The following WDR83 variants were observed in gnomAD, a reference collection of about 807,000 sequenced individuals.
WDR83 encodes WD repeat domain-containing protein 83.
A neutral mutation model predicts 37.7 loss-of-function variants in WDR83; 37 were observed. The ratio of observed to expected loss-of-function variants is 0.98; its 90% CI spans 0.76 to 1.29. The LOEUF (loss-of-function observed/expected upper bound fraction) is 1.29, where lower values mean the gene tolerates loss of function less well. Ranked by LOEUF, WDR83 falls within the 50% of genes most tolerant of loss-of-function variation. The probability of loss-of-function intolerance (pLI) is 0.00; values close to 1 mark genes in which losing one functional copy is unlikely to be tolerated. For synonymous variants in WDR83, 174 were observed against 181.1 expected (o/e 0.96, Z 0.31); for missense variants, 445 against 414.4 (o/e 1.07, Z -0.64).
intron 7 of WDR83, among the ~76,000 whole-genome samples, chr19:12,671,851 C>T (rs2024430189): frequency 6.6e-6 from 1 of 152,010 alleles, no homozygotes; most frequent in African/African-American, 2.4e-5. Flanking sequence ...TCGCGTGCCA[C>T]CACGCCCAGC....
intron 1 of WDR83, chr19:12,668,265 G>A: frequency 1.5e-6 from 2 of 1,344,868 alleles, no homozygotes; most frequent in Non-Finnish European, 2.1e-6. Context: ...ATTCAGGGAA[G>A]TCCAGGATGG....
chr19:12,667,234 G>C (rs564141894), intron 1 of WDR83, among the ~76,000 whole-genome samples: 9 of 152,184 alleles, frequency 5.9e-5, no homozygotes, highest in Non-Finnish European at 1.0e-4. Context: ...TGGGTGTTCC[G>C]GAGAGAAAAG....
At chr19:12,668,330 G>T (rs752485735) in intron 1 of WDR83, 178 bp from the exon 2 acceptor site, 1 of 1,597,922 alleles carries the variant, frequency 6.3e-7, no homozygotes, top group Non-Finnish European at 8.5e-7. Context: ...GATAGACAGG[G>T]TCCAAAATGT....
At chr19:12,673,467 G>C (rs2024482968) in intron 10 of WDR83, 151 bp downstream of exon 10, 1 of 592,208 alleles carries the variant, frequency 1.7e-6, no homozygotes, top group South Asian at 2.1e-5. Context: ...GCCCAGGCTA[G>C]AGTGCAGTGG....
At chr19:12,669,177 T>A (rs1020705935) in intron 2 of WDR83, 1 of 1,614,064 alleles carries the variant, frequency 6.2e-7, no homozygotes, top group Non-Finnish European at 8.5e-7. Flanking sequence ...CAGGTTCATG[T>A]AGTCCGGCGT....
chr19:12,669,529 T>C, intron 2 of WDR83: 1 of 1,188,174 alleles, frequency 8.4e-7, no homozygotes, highest in Non-Finnish European at 1.2e-6. Flanking sequence ...GACAGAGGCT[T>C]GGACTCCCCT....
rs528845452 is a variant in WDR83, at chr19:12,670,302, A to C, written c.330+17A>C. On this transcript the variant is annotated intron_variant, in intron 5 of 10. Transcript: ENST00000418543. ...CACGCAGGGGTGAGTGAAAGCCTGG[A>C]GACCCTCATTTGAGTGGAGGGGACC... The C allele has an allele frequency of 3.1e-6, 5 of 1,611,678 alleles. No homozygotes were observed. Among genetic ancestry groups the C allele is most frequent in the Non-Finnish European group, 4.2e-6 (5 of 1,178,526 alleles).
chr19:12,667,960 AG>A (rs1196989576), intron 1 of WDR83: 1 of 194,552 alleles, frequency 5.1e-6, no homozygotes, highest in African/African-American at 2.3e-5. Context: ...TTATGAAGTA[AG>A]CAAATGAACA....
At chr19:12,669,571 G>A in intron 2 of WDR83, 184 bp from the exon 3 acceptor site, 2 of 973,616 alleles carry the variant, frequency 2.1e-6, no homozygotes, top group Non-Finnish European at 3.0e-6. Context: ...GGAGAAGCCA[G>A]AAGTCTTCCT....
chr19:12,669,238 G>T, intron 2 of WDR83: 2 of 1,613,818 alleles, frequency 1.2e-6, no homozygotes, highest in Non-Finnish European at 8.5e-7. Context: ...TTGTACCTGC[G>T]ACAGGCTCGA....
intron 3 of WDR83, 29 bp downstream of exon 3, chr19:12,669,922 C>T (rs768782107): frequency 3.1e-6 from 5 of 1,600,262 alleles, no homozygotes; most frequent in East Asian, 4.5e-5. Context: ...ATTCCGGGTC[C>T]TCCTCCCGCC....
Position 12,670,767 on chromosome 19 carries a change from AGG to A in WDR83, c.453_454del (p.Glu151AspfsTer28), listed in dbSNP as rs1291577321. 6.2e-7 allele frequency: 1 copy of A among 1,614,056 alleles called. No individual in the cohort carries two copies. The highest frequency in any genetic ancestry group is 1.3e-5 in the African/African-American group (1 of 74,930). On this transcript the variant is annotated frameshift_variant, in exon 7 of 11. Coordinates refer to ENST00000418543, the MANE Select transcript of WDR83 (RefSeq NM_001099737.3). LOFTEE classifies it high-confidence loss of function. ...CCTGAGCCAGTGCAGACGCTGGATGAGGCCAGAGATGGCGTGTCCAGTGTGAA... is the reference window on the plus strand; with the variant it reads ...CCTGAGCCAGTGCAGACGCTGGATGACCAGAGATGGCGTGTCCAGTGTGAA...
At chr19:12,672,545 T>G in intron 7 of WDR83, 8 of 371,180 alleles carry the variant, frequency 2.2e-5, no homozygotes, top group South Asian at 5.8e-5. Flanking sequence ...GAGGCAGAGG[T>G]TCCGGTGAGC....
In WDR83 at chr19:12,669,757, C is replaced by G; in HGVS notation, c.-34C>G. ...AAGGCGCGGAATTTTCCGTACAGAC[C>G]GATTTAAGGCTGCAAGGAAGGAGTC... is the stretch of plus-strand genomic sequence containing the variant. On this transcript the variant is annotated splice_region_variant and 5_prime_UTR_variant, in exon 3 of 11. Transcript: ENST00000418543. 6 of 1,548,916 alleles carry G rather than the reference C, an allele frequency of 3.9e-6. No individual in the cohort carries two copies. The highest frequency in any genetic ancestry group is 5.2e-6 in the Non-Finnish European group (6 of 1,148,052).
At chr19:12,673,389 C>G in intron 10 of WDR83, 73 bp downstream of exon 10, 2 of 923,318 alleles carry the variant, frequency 2.2e-6, no homozygotes, top group Non-Finnish European at 3.4e-6. Flanking sequence ...CTCAGTCACT[C>G]CAGGGCCTGA....
rs1453031153 is a variant in WDR83, at chr19:12,673,201, G to A, written c.684-1G>A. Reference sequence around the variant, plus strand: ...AGCCCCCCGATCCTGTCCACCCTTAGGTACAAGGGCCATAAGAACCAGGAA... The same window carrying A: ...AGCCCCCCGATCCTGTCCACCCTTAAGTACAAGGGCCATAAGAACCAGGAA... On this transcript the variant is annotated splice_acceptor_variant, in intron 9 of 10. Coordinates refer to ENST00000418543, the MANE Select transcript of WDR83 (RefSeq NM_001099737.3). LOFTEE classifies it high-confidence loss of function. 6.2e-7 allele frequency: 1 copy of A among 1,613,888 alleles called. No individual in the cohort carries two copies. The highest frequency in any genetic ancestry group is 8.5e-7 in the Non-Finnish European group (1 of 1,180,004).
At position 12,675,677 on chromosome 19, in the gene WDR83, AG is replaced by A; in HGVS notation, c.*9del. ...GCAGAGGATGGAGCAGGCTGAAGCC[AG>A]GGGACCCACCAACAGGACCAAGGAC... On this transcript the variant is annotated 3_prime_UTR_variant, in exon 11 of 11. Transcript: ENST00000418543. 6.2e-7 allele frequency: 1 copy of A among 1,600,002 alleles called. No individual in the cohort carries two copies.
At chr19:12,668,078 T>A (rs2024305113) in intron 1 of WDR83, 1 of 352,176 alleles carries the variant, frequency 2.8e-6, no homozygotes. Flanking sequence ...ACAGCCAGAG[T>A]GAAAAACTTT....
In WDR83 at chr19:12,668,555, G is replaced by A; in HGVS notation, c.-109G>A. 4 of 1,614,138 alleles carry A rather than the reference G, an allele frequency of 2.5e-6. No homozygotes were observed. Among genetic ancestry groups the A allele is most frequent in the Non-Finnish European group, 3.4e-6 (4 of 1,180,028 alleles). On this transcript the variant is annotated 5_prime_UTR_variant, in exon 2 of 11. Transcript: ENST00000418543. ...TCATCATTTGCTTCGTGTCCTCCGA[G>A]CTCCGAGAGTTGGCAAAGCTGATGA...
Sources: gnomAD v4.1 joint callset for allele counts (sites outside exome capture counted in the v4.1 genomes callset) on GRCh38, gnomAD v4.1.1 for gene constraint, MANE v1.5 for transcripts, NCBI Gene and HGNC (gene_info 2026-07-23, HGNC 2026-07-21) for gene names.